THSD7B: variants seen among roughly 807,000 people sequenced by gnomAD.
The protein encoded by THSD7B is thrombospondin type 1 domain containing 7B.
Under a neutral mutation model 213.6 loss-of-function variants are expected in THSD7B, and 138 were observed. The observed-to-expected ratio is 0.65, with a 90% CI of 0.56 to 0.74. The LOEUF is 0.74. THSD7B is among the 30% of genes least tolerant of loss of function. The pLI is 0.00. For synonymous variants in THSD7B, 742 were observed against 687.0 expected, an observed-to-expected ratio of 1.08 and a Z score of -1.25; for missense variants, 1,931 against 1,991.5, an observed-to-expected ratio of 0.97 and a Z score of 0.58.
intron 5 of THSD7B, among the ~76,000 whole-genome samples, chr2:137,147,997 T>A (rs925291158): frequency 6.6e-6 from 1 of 152,016 alleles, no homozygotes; most frequent in Non-Finnish European, 1.5e-5. Flanking sequence ...TGATGTTAGG[T>A]GCTTGATATG....
chr2:137,404,866 A>G (rs1686474171), intron 12 of THSD7B, among the ~76,000 whole-genome samples: 1 of 151,916 alleles, frequency 6.6e-6, no homozygotes, highest in African/African-American at 2.4e-5. Context: ...GAACAGTGGG[A>G]GGGGGGTGAG....
At chr2:137,213,889 G>A (rs548057089) in intron 7 of THSD7B, among the ~76,000 whole-genome samples, 19 of 152,160 alleles carry the variant, frequency 1.2e-4, no homozygotes, top group African/African-American at 3.9e-4. Flanking sequence ...TGTTTCGTTA[G>A]CCCCATAATG....
intron 14 of THSD7B, among the ~76,000 whole-genome samples, chr2:137,447,889 A>G (rs1191557972): frequency 1.3e-5 from 2 of 152,198 alleles, no homozygotes; most frequent in African/African-American, 4.8e-5. Context: ...TGTTCCTTAT[A>G]TAGGAAAATG....
intron 7 of THSD7B, among the ~76,000 whole-genome samples, chr2:137,210,949 A>G (rs1198396416): frequency 2.0e-5 from 3 of 151,960 alleles, no homozygotes; most frequent in African/African-American, 7.2e-5. Context: ...ATTTGGGGGA[A>G]AAAGGAAAAT....
intron 3 of THSD7B, among the ~76,000 whole-genome samples, chr2:137,073,322 T>C (rs893506902): frequency 2.0e-5 from 3 of 152,222 alleles, no homozygotes; most frequent in African/African-American, 7.2e-5. Context: ...TTCTTCCTGG[T>C]TTAGTCTTGG....
chr2:137,525,144 T>C (rs559204092), intron 15 of THSD7B, among the ~76,000 whole-genome samples: 5 of 152,312 alleles, frequency 3.3e-5, no homozygotes, highest in Admixed American at 2.6e-4. Flanking sequence ...GCACCAAGGG[T>C]AGTGGAACCA....
intron 15 of THSD7B, among the ~76,000 whole-genome samples, chr2:137,504,623 A>G (rs1679791782): frequency 6.6e-6 from 1 of 152,230 alleles, no homozygotes; most frequent in East Asian, 1.9e-4. Flanking sequence ...AAGATTTGGT[A>G]GACTGTTCAT....
intron 12 of THSD7B, among the ~76,000 whole-genome samples, chr2:137,352,598 A>T (rs1685038020): frequency 6.6e-6 from 1 of 152,024 alleles, no homozygotes; most frequent in Non-Finnish European, 1.5e-5. Context: ...ATTTTCTGCC[A>T]TGACTTCGGC....
At chr2:137,505,946 G>T (rs1463832490) in intron 15 of THSD7B, among the ~76,000 whole-genome samples, 1 of 152,186 alleles carries the variant, frequency 6.6e-6, no homozygotes, top group African/African-American at 2.4e-5. Context: ...TAATTATCTG[G>T]TACCTGGCTT....
chr2:137,555,027 G>A (rs1680927543), intron 15 of THSD7B, among the ~76,000 whole-genome samples: 2 of 152,174 alleles, frequency 1.3e-5, no homozygotes, highest in South Asian at 2.1e-4. Context: ...GGCTTGAGTA[G>A]GTAAATAAAG....
chr2:137,405,956 T>C, intron 13 of THSD7B, 149 bp downstream of exon 13: 2 of 635,694 alleles, frequency 3.1e-6, no homozygotes, highest in East Asian at 5.9e-5. Flanking sequence ...CTCAGAACAA[T>C]GCCTGGTACG....
chr2:137,418,796 C>T (rs1228804658), intron 14 of THSD7B, among the ~76,000 whole-genome samples: 2 of 151,980 alleles, frequency 1.3e-5, no homozygotes, highest in African/African-American at 4.8e-5. Context: ...ATTTGTCCTT[C>T]TATGCTTGGC....
chr2:137,499,458 T>C (rs150035940), intron 15 of THSD7B, among the ~76,000 whole-genome samples: 3 of 152,306 alleles, frequency 2.0e-5, no homozygotes, highest in African/African-American at 7.2e-5. Flanking sequence ...ACAAAATAAT[T>C]TTCCCATTGC....
chr2:137,008,959 A>T (rs1264890552), intron 2 of THSD7B, among the ~76,000 whole-genome samples: 1 of 152,204 alleles, frequency 6.6e-6, no homozygotes, highest in East Asian at 1.9e-4. Context: ...ATGCTTTGAC[A>T]GTCTCTAAAC....
intron 21 of THSD7B, among the ~76,000 whole-genome samples, chr2:137,644,843 C>A (rs1187555087): frequency 6.6e-6 from 1 of 152,144 alleles, no homozygotes; most frequent in African/African-American, 2.4e-5. Context: ...AAGTATCAAC[C>A]CATAATAAAA....
At chr2:137,186,106 G>C (rs1214626500) in intron 7 of THSD7B, among the ~76,000 whole-genome samples, 1 of 152,038 alleles carries the variant, frequency 6.6e-6, no homozygotes, top group Non-Finnish European at 1.5e-5. Flanking sequence ...GTTGATTTAA[G>C]TTCCTTGTTG....
chr2:137,294,376 A>G (rs966353457), intron 12 of THSD7B, among the ~76,000 whole-genome samples: 4 of 152,018 alleles, frequency 2.6e-5, no homozygotes, highest in Admixed American at 1.3e-4. Context: ...TGAGGTCAAG[A>G]GTTCGAGACC....
intron 12 of THSD7B, among the ~76,000 whole-genome samples, chr2:137,318,648 A>T (rs1295924552): frequency 6.6e-6 from 1 of 152,214 alleles, no homozygotes; most frequent in Non-Finnish European, 1.5e-5. Flanking sequence ...TTCCTAGCAC[A>T]GAAACAGCAT....
At chr2:137,282,509 G>GT (rs1203724495) in intron 12 of THSD7B, among the ~76,000 whole-genome samples, 3 of 152,106 alleles carry the variant, frequency 2.0e-5, no homozygotes, top group African/African-American at 7.2e-5. Context: ...TATTGCCTAG[G>GT]TTTTTTTCTA....
Sources: gnomAD v4.1 joint callset for allele counts (sites outside exome capture counted in the v4.1 genomes callset) on GRCh38, gnomAD v4.1.1 for gene constraint, MANE v1.5 for transcripts, NCBI Gene and HGNC (gene_info 2026-07-23, HGNC 2026-07-21) for gene names.